The following LIN9 variants were observed in gnomAD, a reference collection of about 807,000 sequenced individuals.
The protein encoded by LIN9 is lin-9 DREAM MuvB core complex component.
A neutral mutation model predicts 78.0 loss-of-function variants in LIN9; 18 were observed. The ratio of observed to expected loss-of-function variants is 0.23; its 90% CI spans 0.16 to 0.34. The LOEUF (loss-of-function observed/expected upper bound fraction) is 0.34, where lower values mean the gene tolerates loss of function less well. LIN9 is among the 10% of genes least tolerant of loss of function. The probability of loss-of-function intolerance (pLI) is 1.00; values close to 1 mark genes in which losing one functional copy is unlikely to be tolerated. For missense variants in LIN9, 451 were observed against 644.1 expected, an observed-to-expected ratio of 0.70 and a Z score of 3.25; for synonymous variants, 192 against 215.2, an observed-to-expected ratio of 0.89 and a Z score of 0.94.
At chr1:226,254,601 T>A (rs1659065174) in intron 10 of LIN9, among the ~76,000 whole-genome samples, 1 of 152,044 alleles carries the variant, frequency 6.6e-6, no homozygotes, top group Non-Finnish European at 1.5e-5. Context: ...GGTAAAAAGC[T>A]GACATACTTA....
chr1:226,277,624 G>A, intron 7 of LIN9, 151 bp downstream of exon 7: 5 of 667,166 alleles, frequency 7.5e-6, no homozygotes, highest in Non-Finnish European at 1.2e-5. Flanking sequence ...AGAGAGAGTT[G>A]AGGGATAGGG....
Position 226,265,536 on chromosome 1 carries a change from T to C in LIN9, c.1035A>G (p.Gln345=). Residue 345 remains glutamine (Q), a synonymous_variant, in exon 10 of 15, where the codon CAA becomes CAG. Transcript: ENST00000681046. The surrounding 1 kb of genome is among the most constrained non-coding windows in gnomAD (Gnocchi z 4.1). ...LGGFPVEFLI[Q]VTRLSKILMI... Reference sequence around the variant, plus strand: ...AGATATTCAGAACAATTCTTACCACTTGGATAAGAAATTCTACTGGAAAAC... The same window carrying C: ...AGATATTCAGAACAATTCTTACCACCTGGATAAGAAATTCTACTGGAAAAC... The C allele has an allele frequency of 6.3e-7, 1 of 1,586,408 alleles. No individual in the cohort carries two copies.
Position 226,297,490 on chromosome 1 carries a change from C to G in LIN9, c.159+229G>C, listed in dbSNP as rs552411026. Among the ~76,000 whole-genome samples, 520 of 151,970 alleles carry G rather than the reference C, an allele frequency of 3.4e-3. 5 individuals are homozygous for G. Among genetic ancestry groups the G allele is most frequent in the African/African-American group, 0.011 (439 of 41,442 alleles). ...GTATAAGTTGTAGTTTTTGTTTTTCCTATTTAAAGAAACTATTACACAATT... is the reference window on the plus strand; with the variant it reads ...GTATAAGTTGTAGTTTTTGTTTTTCGTATTTAAAGAAACTATTACACAATT... On this transcript the variant is annotated intron_variant, in intron 3 of 14. Coordinates refer to ENST00000681046, the MANE Select transcript of LIN9 (RefSeq NM_001366245.2).
At chr1:226,248,677 T>C (rs1658637013) in intron 11 of LIN9, among the ~76,000 whole-genome samples, 1 of 152,184 alleles carries the variant, frequency 6.6e-6, no homozygotes, top group African/African-American at 2.4e-5. Flanking sequence ...TTTAATTCCA[T>C]TTTGCATGAA....
chr1:226,249,887 G>A (rs557440626), intron 11 of LIN9, among the ~76,000 whole-genome samples: 12 of 152,136 alleles, frequency 7.9e-5, no homozygotes, highest in African/African-American at 2.9e-4. Flanking sequence ...AAAAACTCTG[G>A]GCCGGGTGCT....
chr1:226,289,053 T>C (rs1477308631), intron 4 of LIN9, among the ~76,000 whole-genome samples: 2 of 152,018 alleles, frequency 1.3e-5, no homozygotes, highest in African/African-American at 2.4e-5. Flanking sequence ...CAGGCCAATA[T>C]AGTGAAACCC....
At chr1:226,252,303 A>C (rs964247821) in intron 10 of LIN9, among the ~76,000 whole-genome samples, 2 of 149,784 alleles carry the variant, frequency 1.3e-5, no homozygotes, top group African/African-American at 4.9e-5. Context: ...TAAATAAATA[A>C]ATAAATAAAT....
At chr1:226,271,781 G>A (rs1467691384) in intron 7 of LIN9, among the ~76,000 whole-genome samples, 1 of 152,046 alleles carries the variant, frequency 6.6e-6, no homozygotes, top group East Asian at 1.9e-4. Context: ...TAGGTATATA[G>A]TAATATACAT....
rs764106581 is a variant in LIN9, at chr1:226,270,824, CAAAAA to C, written c.683-2739_683-2735del. ...TGGAAGACAGAGCAAGACTCTGTCTCAAAAAAAAAAAAAAAAAAAAAAAAAAGGTT... is the reference window on the plus strand; with the variant it reads ...TGGAAGACAGAGCAAGACTCTGTCTCAAAAAAAAAAAAAAAAAAAAAGGTT... On this transcript the variant is annotated intron_variant, in intron 7 of 14. Coordinates refer to ENST00000681046, the MANE Select transcript of LIN9 (RefSeq NM_001366245.2). 9.9e-4 allele frequency among the ~76,000 whole-genome samples: 22 copies of C among 22,176 alleles called. No individual in the cohort carries two copies. In the South Asian group the frequency reaches 0.038, roughly 38 times the overall value. The allele number at this position is 22,176 out of a possible 152,430, so 14.5% of individuals were successfully genotyped here. A position where few individuals can be genotyped will look rare whatever the true frequency, so the allele number is the denominator to read the frequency against.
At chr1:226,246,827 A>G (rs1658511444) in intron 11 of LIN9, among the ~76,000 whole-genome samples, 1 of 151,854 alleles carries the variant, frequency 6.6e-6, no homozygotes, top group Non-Finnish European at 1.5e-5. Context: ...AATGTGTCTA[A>G]AAGTCACTAT....
At chr1:226,239,934 G>T (rs553012402) in intron 11 of LIN9, among the ~76,000 whole-genome samples, 2 of 152,282 alleles carry the variant, frequency 1.3e-5, no homozygotes, top group South Asian at 4.2e-4. Flanking sequence ...GAGGATTTCT[G>T]AGAAAGCACG....
intron 4 of LIN9, among the ~76,000 whole-genome samples, chr1:226,289,927 AC>A (rs1363540609): frequency 2.6e-5 from 4 of 151,026 alleles, no homozygotes; most frequent in Non-Finnish European, 4.4e-5. Flanking sequence ...GAAGGTTCAA[AC>A]CAAAAAAATG....
intron 2 of LIN9, 65 bp downstream of exon 2, chr1:226,301,108 A>G: frequency 8.2e-7 from 1 of 1,216,850 alleles, no homozygotes; most frequent in Non-Finnish European, 1.2e-6. Context: ...GAAACACTAT[A>G]TCCAGATTAA....
chr1:226,261,266 C>G lies in LIN9; in HGVS notation c.1038+4267G>C, dbSNP rs2102897365. Among the ~76,000 whole-genome samples, 2 of 152,042 alleles carry G rather than the reference C, an allele frequency of 1.3e-5. 1 individual carries two copies. The highest frequency in any genetic ancestry group is 4.1e-4 in the South Asian group (2 of 4,824). On this transcript the variant is annotated intron_variant, in intron 10 of 14. Coordinates refer to ENST00000681046, the MANE Select transcript of LIN9 (RefSeq NM_001366245.2). Reference sequence around the variant, plus strand: ...CCTCTCTTATCACTCTTTTCAACATCATACTGGAAGTCCTAGCTAATGCAA... The same window carrying G: ...CCTCTCTTATCACTCTTTTCAACATGATACTGGAAGTCCTAGCTAATGCAA...
At chr1:226,263,454 T>C (rs1423593355) in intron 10 of LIN9, among the ~76,000 whole-genome samples, 3 of 152,112 alleles carry the variant, frequency 2.0e-5, no homozygotes, top group African/African-American at 7.2e-5. Flanking sequence ...AAATAAAGTG[T>C]ATTGAATTAA....
At chr1:226,298,948 A>G (rs1240296090) in intron 2 of LIN9, among the ~76,000 whole-genome samples, 2 of 152,188 alleles carry the variant, frequency 1.3e-5, no homozygotes, top group African/African-American at 2.4e-5. Flanking sequence ...CTTAATTCAG[A>G]GAAATGTCTT....
At chr1:226,309,084 G>T in intron 1 of LIN9, 25 bp downstream of exon 1, 1 of 1,310,998 alleles carries the variant, frequency 7.6e-7, no homozygotes, top group Non-Finnish European at 9.8e-7. Flanking sequence ...GGGAAAAGGG[G>T]GGGGTGCTTT....
intron 11 of LIN9, among the ~76,000 whole-genome samples, chr1:226,243,683 G>A (rs1408587192): frequency 1.3e-4 from 15 of 112,886 alleles, no homozygotes; most frequent in Middle Eastern, 7.1e-3. Flanking sequence ...GCAACAGAGC[G>A]AGACTCCGTC....
chr1:226,279,029 C>T (rs1006452477), intron 6 of LIN9, among the ~76,000 whole-genome samples: 4 of 150,962 alleles, frequency 2.6e-5, no homozygotes, highest in South Asian at 2.1e-4. Flanking sequence ...GGCATGGCGG[C>T]GGGTGCCTGT....
Sources: allele counts gnomAD v4.1 joint callset (sites outside exome capture counted in the v4.1 genomes callset), GRCh38; gene constraint gnomAD v4.1.1; non-coding constraint Gnocchi (gnomAD v3.1); transcripts MANE v1.5; gene names NCBI Gene and HGNC (gene_info 2026-07-23, HGNC 2026-07-21).